The following OFD1 variants were observed in gnomAD, a reference collection of about 807,000 sequenced individuals.
The protein encoded by OFD1 is OFD1 centriole and centriolar satellite protein, also known as centriole and centriolar satellite protein OFD1.
Under a neutral mutation model 81.4 loss-of-function variants are expected in OFD1, and 12 were observed. That is an observed-to-expected ratio of 0.15 (90% CI 0.09 to 0.24). The LOEUF (loss-of-function observed/expected upper bound fraction) is 0.24, where lower values mean the gene tolerates loss of function less well. Ranked by LOEUF, OFD1 falls within the 10% of genes least tolerant of loss-of-function variation. The pLI is 1.00. For missense variants in OFD1, 685 were observed against 733.9 expected (o/e 0.93, Z 0.77); for synonymous variants, 256 against 263.7 (o/e 0.97, Z 0.28).
chrX:13,741,484 G>A (rs968997484), intron 5 of OFD1, among the ~76,000 whole-genome samples: 17 of 112,178 alleles, frequency 1.5e-4, no homozygotes, highest in Non-Finnish European at 1.9e-5. Flanking sequence ...GTGCTAAGCT[G>A]TTGAATGGCC....
At chrX:13,768,849 G>GA (rs1346482245) in intron 22 of OFD1, 64 bp downstream of exon 22, 2 of 975,811 alleles carry the variant, frequency 2.0e-6, no homozygotes, top group Non-Finnish European at 2.9e-6. Flanking sequence ...TCAGCCAAGA[G>GA]AAACAGATGT....
the OFD1 span, among the ~76,000 whole-genome samples, chrX:13,722,956 G>A: frequency 5.4e-3 from 600 of 110,163 alleles, 6 homozygotes; most frequent in African/African-American, 0.019. Context: ...CCAGCTACTC[G>A]GGAGGCTGAG....
intron 20 of OFD1, 133 bp from the exon 21 acceptor site, chrX:13,767,921 C>G (rs1209133308): frequency 1.7e-6 from 1 of 603,670 alleles, no homozygotes; most frequent in Non-Finnish European, 2.6e-6. Context: ...GCAATGACTT[C>G]AATTTTAAAA....
intron 5 of OFD1, among the ~76,000 whole-genome samples, chrX:13,742,284 C>T (rs1193134882): frequency 2.7e-5 from 3 of 110,595 alleles, no homozygotes; most frequent in Non-Finnish European, 5.7e-5. Context: ...TATTCATATG[C>T]GCAAAAATGA....
At chrX:13,735,105 C>T (rs2046802838) in intron 1 of OFD1, 22 bp downstream of exon 1, 6 of 1,205,149 alleles carry the variant, frequency 5.0e-6, no homozygotes, top group South Asian at 1.8e-5. Context: ...TGCCCCTTCT[C>T]GGGCGGAAAT....
chrX:13,714,939 A>C, the OFD1 span, among the ~76,000 whole-genome samples: 4 of 112,645 alleles, frequency 3.6e-5, no homozygotes, highest in Non-Finnish European at 5.6e-5. Flanking sequence ...CTTTAACACA[A>C]GACTGCTAAA....
intron 10 of OFD1, among the ~76,000 whole-genome samples, chrX:13,752,416 A>G (rs1045089754): frequency 3.6e-5 from 4 of 112,234 alleles, no homozygotes; most frequent in African/African-American, 1.3e-4. Flanking sequence ...GGCCTCTTTT[A>G]TTGCCTTTCT....
chrX:13,755,369 G>A, intron 12 of OFD1, 127 bp downstream of exon 12: 1 of 492,849 alleles, frequency 2.0e-6, no homozygotes, highest in East Asian at 3.7e-5. Context: ...CTAAGAAGGT[G>A]TTAGCTGAAG....
chrX:13,719,795 C>G, the OFD1 span: 46 of 762,728 alleles, frequency 6.0e-5, no homozygotes, highest in Non-Finnish European at 8.2e-5. Context: ...TTTCAGTTAC[C>G]TTATCTGTCC....
intron 17 of OFD1, 112 bp from the exon 18 acceptor site, chrX:13,762,232 G>A (rs1056400836): frequency 1.9e-6 from 1 of 539,580 alleles, no homozygotes; most frequent in African/African-American, 2.3e-5. Context: ...ACAAGACAAA[G>A]AGAAAGGGAA....
chrX:13,755,946 C>CTTTTTTTTTTTTTTTTT (rs34300430), intron 12 of OFD1, among the ~76,000 whole-genome samples: 30 of 65,091 alleles, frequency 4.6e-4, no homozygotes, highest in African/African-American at 2.0e-3. Flanking sequence ...CTTTCTTTCC[C>CTTTTTTTTTTTTTTTTT]TTTTTTTTTT....
chrX:13,716,883 A>G, the OFD1 span, among the ~76,000 whole-genome samples: 1 of 110,796 alleles, frequency 9.0e-6, no homozygotes, highest in Admixed American at 9.7e-5. Context: ...TCTCAACAGA[A>G]ACAGCCAATT....
chrX:13,752,366 G>A (rs773872855), intron 10 of OFD1, among the ~76,000 whole-genome samples: 2 of 112,265 alleles, frequency 1.8e-5, no homozygotes, highest in South Asian at 7.3e-4. Flanking sequence ...TGTGTCACGA[G>A]GAAATGATTC....
chrX:13,762,491 A>G, intron 18 of OFD1, 47 bp downstream of exon 18: 1 of 861,442 alleles, frequency 1.2e-6, no homozygotes, highest in East Asian at 3.1e-5. Flanking sequence ...AAAATCTAGA[A>G]AGCTTAGTTT....
chrX:13,743,859 T>G (rs1260137656), intron 5 of OFD1, among the ~76,000 whole-genome samples: 1 of 111,927 alleles, frequency 8.9e-6, no homozygotes, highest in African/African-American at 3.3e-5. Context: ...TTATTGCAAC[T>G]ATTTTTCCCA....
chrX:13,716,748 T>C, the OFD1 span: 3 of 1,118,353 alleles, frequency 2.7e-6, no homozygotes, highest in Non-Finnish European at 3.7e-6. Flanking sequence ...CATTTCATTC[T>C]GTAAATTCTA....
chrX:13,725,046 G>A, the OFD1 span, among the ~76,000 whole-genome samples: 1 of 113,199 alleles, frequency 8.8e-6, no homozygotes, highest in Non-Finnish European at 1.9e-5. Flanking sequence ...CCTGGCTGGG[G>A]GAGGGGTGTC....
In OFD1 at chrX:13,760,280, G is replaced by A; in HGVS notation, c.1820G>A (p.Arg607Lys). The A allele has an allele frequency of 8.3e-7, 1 of 1,211,877 alleles. No homozygotes were observed. The highest frequency in any genetic ancestry group is 1.1e-6 in the Non-Finnish European group (1 of 895,467). The change falls in exon 16 of 23, where the codon AGG (arginine) becomes AAG (lysine). Residue 607 changes from arginine to lysine, a missense_variant. Physicochemically the swap from Arg to Lys is conservative, Grantham distance 26. Coordinates refer to ENST00000340096, the MANE Select transcript of OFD1 (RefSeq NM_003611.3). ...GTTCTAGCACGTATGGTTGCATCAA[G>A]GATCACAAATTATCCAACTGCATGG... ...ENVLARMVAS[R>K]ITNYPTAWVE...
intron 14 of OFD1, 124 bp from the exon 15 acceptor site, chrX:13,758,213 G>C: frequency 2.0e-6 from 1 of 502,767 alleles, no homozygotes; most frequent in Non-Finnish European, 3.5e-6. Flanking sequence ...GTTGTTTACT[G>C]TCATAAAGCT....
Sources: gnomAD v4.1 joint callset for allele counts (sites outside exome capture counted in the v4.1 genomes callset) on GRCh38, gnomAD v4.1.1 for gene constraint, MANE v1.5 for transcripts, NCBI Gene and HGNC (gene_info 2026-07-23, HGNC 2026-07-21) for gene names.